The following PEBP4 variants were observed in gnomAD, a reference collection of about 807,000 sequenced individuals.
PEBP4 encodes the protein phosphatidylethanolamine-binding protein 4.
A neutral mutation model predicts 23.9 loss-of-function variants in PEBP4; 22 were observed. The observed-to-expected ratio is 0.92, with a 90% confidence interval of 0.66 to 1.31. The LOEUF (loss-of-function observed/expected upper bound fraction) is 1.31, where lower values mean the gene tolerates loss of function less well. PEBP4 is among the 40% of genes most tolerant of loss of function. The pLI is 0.00. For synonymous variants in PEBP4, 112 were observed against 99.3 expected, an observed-to-expected ratio of 1.13 and a Z score of -0.76; for missense variants, 324 against 281.7, an observed-to-expected ratio of 1.15 and a Z score of -1.07.
rs192709448 is a variant in PEBP4, at chr8:22,727,155, G to A, written c.403+20C>T. ...ACTGATGCCCTGGCTGGGGGAAGGG[G>A]TCCCTAGGGTCTTACTCACCTGATA... On this transcript the variant is annotated intron_variant, in intron 5 of 6. Transcript: ENST00000256404. 3 of 1,613,564 alleles carry A rather than the reference G, an allele frequency of 1.9e-6. No individual in the cohort carries two copies. Among genetic ancestry groups the A allele is most frequent in the East Asian group, 2.2e-5 (1 of 44,874 alleles).
At chr8:22,855,384 C>T (rs1434890503) in intron 3 of PEBP4, among the ~76,000 whole-genome samples, 1 of 152,162 alleles carries the variant, frequency 6.6e-6, no homozygotes, top group Non-Finnish European at 1.5e-5. Flanking sequence ...CAGATGAGAT[C>T]TCTAGGGGTG....
intron 4 of PEBP4, among the ~76,000 whole-genome samples, chr8:22,783,152 C>A (rs1476990036): frequency 2.0e-5 from 3 of 152,230 alleles, no homozygotes; most frequent in African/African-American, 7.2e-5. Flanking sequence ...TGGGGCAACC[C>A]AGGACTTCTT....
intron 4 of PEBP4, among the ~76,000 whole-genome samples, chr8:22,771,715 A>G (rs1235141940): frequency 6.6e-6 from 1 of 152,140 alleles, no homozygotes; most frequent in East Asian, 1.9e-4. Flanking sequence ...TCCATAAGAC[A>G]TGCCCACCAG....
chr8:22,932,524 T>C (rs1009121641), upstream of PEBP4, among the ~76,000 whole-genome samples: 2 of 151,868 alleles, frequency 1.3e-5, no homozygotes, highest in Non-Finnish European at 2.9e-5. Flanking sequence ...TAAACACACA[T>C]ATACACACAC....
chr8:22,938,786 G>A (rs1809572723), intron 1 of PEBP4, among the ~76,000 whole-genome samples: 1 of 152,204 alleles, frequency 6.6e-6, no homozygotes, highest in South Asian at 2.1e-4. Flanking sequence ...TCTGCCTTCT[G>A]CTCTAGTTTT....
chr8:22,726,553 A>C (rs114140420), intron 5 of PEBP4, among the ~76,000 whole-genome samples: 1,737 of 152,286 alleles, frequency 0.011, 28 homozygotes, highest in African/African-American at 0.04. Flanking sequence ...CGTGAGGAGG[A>C]GGGGAAAGGG....
intron 3 of PEBP4, among the ~76,000 whole-genome samples, chr8:22,851,935 C>T (rs1339963051): frequency 6.6e-6 from 1 of 152,162 alleles, no homozygotes; most frequent in East Asian, 1.9e-4. Flanking sequence ...GACCCCAGCG[C>T]CCAGCTGAGC....
chr8:22,733,729 G>A (rs966965817), intron 4 of PEBP4, among the ~76,000 whole-genome samples: 34 of 151,104 alleles, frequency 2.3e-4, no homozygotes, highest in African/African-American at 7.6e-4. Context: ...TGCAAACCCC[G>A]GTCAGAGTGG....
chr8:22,928,212 C>T (rs1261163773), upstream of PEBP4, among the ~76,000 whole-genome samples: 3 of 152,238 alleles, frequency 2.0e-5, no homozygotes, highest in African/African-American at 7.2e-5. Context: ...CTCTGACTCT[C>T]CTGGCCCCCA....
At chr8:22,853,305 A>T (rs2128767465) in intron 3 of PEBP4, among the ~76,000 whole-genome samples, 1 of 152,294 alleles carries the variant, frequency 6.6e-6, no homozygotes. Context: ...ACCCTGCAAG[A>T]CCACCTGTTC....
intron 6 of PEBP4, among the ~76,000 whole-genome samples, chr8:22,721,232 A>C (rs1446709652): frequency 1.3e-5 from 2 of 152,126 alleles, no homozygotes; most frequent in African/African-American, 4.8e-5. Context: ...GAGCAAATCA[A>C]TTTCAGGTCA....
At chr8:22,801,740 A>T (rs1806386781) in intron 4 of PEBP4, among the ~76,000 whole-genome samples, 1 of 152,026 alleles carries the variant, frequency 6.6e-6, no homozygotes, top group Admixed American at 6.6e-5. Context: ...GCACACACAT[A>T]TGCCTCCACA....
rs1469685272 is a variant in PEBP4 at position 22,860,168 on chromosome 8, GTATATATATATACACATATATATGTA to G, written c.259-42459_259-42434del. 6.2e-3 allele frequency among the ~76,000 whole-genome samples: 763 copies of G among 122,728 alleles called. 11 individuals are homozygous for G. Among genetic ancestry groups the G allele is most frequent in the African/African-American group, 0.022 (720 of 33,390 alleles). The allele number at this position is 122,728 out of a possible 152,430, so 80.5% of individuals were successfully genotyped here. On this transcript the variant is annotated intron_variant, in intron 3 of 6. Transcript: ENST00000256404. Reference sequence around the variant, plus strand: ...AAAAATTATATATACACATATATATGTATATATATATACACATATATATGTATATATATATATACACATATATGTAT... The same window carrying G: ...AAAAATTATATATACACATATATATGTATATATATATACACATATATGTAT...
At chr8:22,909,167 C>T (rs984113583) in intron 3 of PEBP4, among the ~76,000 whole-genome samples, 1 of 152,152 alleles carries the variant, frequency 6.6e-6, no homozygotes, top group African/African-American at 2.4e-5. Context: ...CCTATCTCCC[C>T]CTGGTGTCGG....
intron 3 of PEBP4, among the ~76,000 whole-genome samples, chr8:22,839,000 T>C (rs1807266544): frequency 6.6e-6 from 1 of 152,188 alleles, no homozygotes; most frequent in Non-Finnish European, 1.5e-5. Context: ...GTACAGACCA[T>C]GCCTTCGCTA....
At chr8:22,918,780 G>A (rs980028546) in intron 3 of PEBP4, among the ~76,000 whole-genome samples, 4 of 152,136 alleles carry the variant, frequency 2.6e-5, no homozygotes, top group East Asian at 3.9e-4. Flanking sequence ...GTTCCTGCCC[G>A]GCCTCTGCAC....
At chr8:22,743,471 A>T (rs1210543373) in intron 4 of PEBP4, among the ~76,000 whole-genome samples, 1 of 152,142 alleles carries the variant, frequency 6.6e-6, no homozygotes, top group South Asian at 2.1e-4. Context: ...CTTGTTCCCA[A>T]ACCAGAAGGG....
At chr8:22,841,372 T>C (rs1259548506) in intron 3 of PEBP4, among the ~76,000 whole-genome samples, 4 of 152,254 alleles carry the variant, frequency 2.6e-5, no homozygotes, top group Non-Finnish European at 5.9e-5. Context: ...TTGTATTTAG[T>C]TTTTCAAAAG....
chr8:22,928,848 G>C (rs769327797), upstream of PEBP4, among the ~76,000 whole-genome samples: 1 of 152,100 alleles, frequency 6.6e-6, no homozygotes, highest in Admixed American at 6.6e-5. Flanking sequence ...TGAGATCATC[G>C]CTGTAAAGTA....
Sources: allele counts gnomAD v4.1 joint callset (sites outside exome capture counted in the v4.1 genomes callset), GRCh38; gene constraint gnomAD v4.1.1; transcripts MANE v1.5; gene names NCBI Gene and HGNC (gene_info 2026-07-23, HGNC 2026-07-21).